The following MRAP2 variants were observed in gnomAD, a reference collection of about 807,000 sequenced individuals.
MRAP2 encodes melanocortin 2 receptor accessory protein 2.
A neutral mutation model predicts 17.4 loss-of-function variants in MRAP2; 20 were observed. That is an observed-to-expected ratio of 1.15 (90% CI 0.81 to 1.67). The LOEUF (loss-of-function observed/expected upper bound fraction) is 1.67. Ranked by LOEUF, MRAP2 falls within the 40% of genes most tolerant of loss-of-function variation. MRAP2 has a pLI of 0.00. For synonymous variants in MRAP2, 96 were observed against 88.4 expected, an observed-to-expected ratio of 1.09 and a Z score of -0.48; for missense variants, 238 against 240.0, an observed-to-expected ratio of 0.99 and a Z score of 0.05.
At chr6:84,139,858 G>A in the MRAP2 span, among the ~76,000 whole-genome samples, 1 of 151,232 alleles carries the variant, frequency 6.6e-6, no homozygotes, top group Admixed American at 6.6e-5. Context: ...TGCATCATTT[G>A]TTGTGAGAAG....
chr6:84,087,963 A>C (rs2099500909), intron 3 of MRAP2, among the ~76,000 whole-genome samples: 1 of 152,156 alleles, frequency 6.6e-6, no homozygotes, highest in Non-Finnish European at 1.5e-5. Context: ...GTTTAGTGAT[A>C]TACAATCAGG....
At chr6:84,112,797 C>T in the MRAP2 span, among the ~76,000 whole-genome samples, 1,008 of 152,170 alleles carry the variant, frequency 6.6e-3, 7 homozygotes, top group African/African-American at 0.023. Context: ...TCTGGTACAT[C>T]ATGTCTTTGT....
the MRAP2 span, among the ~76,000 whole-genome samples, chr6:84,130,557 G>T: frequency 8.5e-5 from 13 of 152,160 alleles, no homozygotes; most frequent in Non-Finnish European, 1.5e-4. Flanking sequence ...TCTATTCAGG[G>T]ATTCGACTTC....
chr6:84,049,199 C>T (rs531317782), intron 1 of MRAP2, among the ~76,000 whole-genome samples: 4 of 152,202 alleles, frequency 2.6e-5, no homozygotes, highest in South Asian at 4.1e-4. Context: ...CAGAGGCAGT[C>T]GGATCGCCTG....
the MRAP2 span, among the ~76,000 whole-genome samples, chr6:84,140,864 A>C: frequency 1.3e-5 from 2 of 152,104 alleles, no homozygotes; most frequent in East Asian, 3.9e-4. Flanking sequence ...ACTGGTCTAG[A>C]GCAGCAGTTC....
Position 84,035,584 on chromosome 6 carries a change from A to G in MRAP2, c.-8+1701A>G, listed in dbSNP as rs538307103. On this transcript the variant is annotated intron_variant, in intron 1 of 3. Coordinates refer to ENST00000257776, the MANE Select transcript of MRAP2 (RefSeq NM_138409.4). The stretch of plus-strand genomic sequence containing the variant: ...TCAGAGTGCATTGCAGGAGCAAGGG[A>G]AAGTACTGTTTTGTGAAGCGCGCGC... 157 of 231,508 alleles carry G rather than the reference A, an allele frequency of 6.8e-4. 1 individual carries two copies. Among genetic ancestry groups the G allele is most frequent in the Non-Finnish European group, 9.7e-4 (137 of 140,910 alleles). The allele number at this position is 231,508 out of a possible 1,614,324, so 14.3% of individuals were successfully genotyped here. A position where few individuals can be genotyped will look rare whatever the true frequency, so the allele number is the denominator to read the frequency against.
chr6:84,085,980 G>A (rs1261268486), intron 3 of MRAP2, among the ~76,000 whole-genome samples: 2 of 152,240 alleles, frequency 1.3e-5, no homozygotes, highest in African/African-American at 2.4e-5. Flanking sequence ...TGGAGGCAGA[G>A]AGCTCAAAGG....
At chr6:84,130,037 C>G in the MRAP2 span, among the ~76,000 whole-genome samples, 3 of 152,184 alleles carry the variant, frequency 2.0e-5, no homozygotes, top group African/African-American at 7.2e-5. Flanking sequence ...TACGTTCCAT[C>G]AATACCTAGT....
At chr6:84,112,902 G>A in the MRAP2 span, among the ~76,000 whole-genome samples, 1 of 152,090 alleles carries the variant, frequency 6.6e-6, no homozygotes, top group Non-Finnish European at 1.5e-5. Flanking sequence ...CCATGTAGTT[G>A]TGCAGTTTTG....
the MRAP2 span, among the ~76,000 whole-genome samples, chr6:84,096,685 A>G: frequency 6.6e-6 from 1 of 152,162 alleles, no homozygotes; most frequent in Admixed American, 6.5e-5. Flanking sequence ...GCCACCAAGA[A>G]TGTCATCTCA....
At chr6:84,063,287 C>CA in intron 3 of MRAP2, 1 of 985,066 alleles carries the variant, frequency 1.0e-6, no homozygotes, top group South Asian at 4.7e-5. Context: ...TTATTAATTA[C>CA]AATGTATTTT....
intron 3 of MRAP2, among the ~76,000 whole-genome samples, chr6:84,069,083 C>T (rs2099495537): frequency 6.6e-6 from 1 of 151,896 alleles, no homozygotes; most frequent in Non-Finnish European, 1.5e-5. Context: ...GATTTGGATG[C>T]CCTTTATTTC....
At chr6:84,035,480 A>C (rs1351907271) in intron 1 of MRAP2, 3 of 896,250 alleles carry the variant, frequency 3.3e-6, no homozygotes, top group Non-Finnish European at 4.0e-6. Context: ...GCTGTGACTC[A>C]TTAGGCTAAT....
At chr6:84,036,850 G>A (rs1187880213) in intron 1 of MRAP2, among the ~76,000 whole-genome samples, 1 of 152,238 alleles carries the variant, frequency 6.6e-6, no homozygotes, top group South Asian at 2.1e-4. Flanking sequence ...TAGACACAGA[G>A]TGCTGATTGG....
chr6:84,100,427 C>G, the MRAP2 span, among the ~76,000 whole-genome samples: 1 of 151,926 alleles, frequency 6.6e-6, no homozygotes, highest in African/African-American at 2.4e-5. Context: ...CCACACCTAC[C>G]TAATTTTTTT....
chr6:84,041,951 G>A (rs1183243707), intron 1 of MRAP2, among the ~76,000 whole-genome samples: 1 of 152,198 alleles, frequency 6.6e-6, no homozygotes, highest in Admixed American at 6.5e-5. Context: ...GTGAGGATAT[G>A]AGATTTGGGA....
At chr6:84,081,683 G>A (rs575562384) in intron 3 of MRAP2, among the ~76,000 whole-genome samples, 58 of 152,322 alleles carry the variant, frequency 3.8e-4, no homozygotes, top group African/African-American at 1.3e-3. Context: ...GCCGAGGGTG[G>A]TGACACATGC....
the MRAP2 span, chr6:84,125,008 G>A: frequency 4.1e-6 from 5 of 1,231,208 alleles, no homozygotes; most frequent in Non-Finnish European, 4.7e-6. Flanking sequence ...TGTCCTGACA[G>A]TGGCACAATC....
At chr6:84,050,193 A>C (rs1168436099) in intron 1 of MRAP2, among the ~76,000 whole-genome samples, 1 of 152,234 alleles carries the variant, frequency 6.6e-6, no homozygotes, top group Non-Finnish European at 1.5e-5. Flanking sequence ...ATGGATTCAC[A>C]GAAAAAGAAT....
Sources: allele counts gnomAD v4.1 joint callset (sites outside exome capture counted in the v4.1 genomes callset), GRCh38; gene constraint gnomAD v4.1.1; transcripts MANE v1.5; gene names NCBI Gene and HGNC (gene_info 2026-07-23, HGNC 2026-07-21).